The following SAMD13 variants were observed in gnomAD, a reference collection of about 807,000 sequenced individuals.
SAMD13 encodes the protein sterile alpha motif domain containing 13.
Under a neutral mutation model 12.4 loss-of-function variants are expected in SAMD13, and 9 were observed. That is an observed-to-expected ratio of 0.72 (90% CI 0.44 to 1.26). The LOEUF is 1.26. SAMD13 is among the 50% of genes most tolerant of loss of function. The pLI, the probability that SAMD13 is intolerant of heterozygous loss-of-function variation, is 0.00. For synonymous variants in SAMD13, 46 were observed against 45.4 expected, an observed-to-expected ratio of 1.01 and a Z score of -0.05; for missense variants, 84 against 119.6, an observed-to-expected ratio of 0.70 and a Z score of 1.39.
intron 3 of SAMD13, chr1:84,344,705 G>A (rs1679497692): frequency 5.6e-6 from 2 of 359,288 alleles, no homozygotes; most frequent in Non-Finnish European, 1.1e-5. Context: ...AGTACTAGGT[G>A]TGCCTCAAAA....
intron 2 of SAMD13, chr1:84,304,117 T>C (rs996521781): frequency 1.3e-5 from 2 of 152,186 alleles, no homozygotes; most frequent in Non-Finnish European, 2.9e-5. Context: ...GATATCTAAA[T>C]GAGGAAACAG....
chr1:84,315,908 T>G (rs1486935858), intron 2 of SAMD13, among the ~76,000 whole-genome samples: 1 of 152,208 alleles, frequency 6.6e-6, no homozygotes, highest in African/African-American at 2.4e-5. Context: ...AATAGTATCC[T>G]AAGAGGTATG....
intron 3 of SAMD13, among the ~76,000 whole-genome samples, chr1:84,331,857 A>C (rs1310919938): frequency 1.3e-5 from 2 of 152,064 alleles, no homozygotes; most frequent in African/African-American, 4.8e-5. Context: ...CATAGTATCC[A>C]ATAGGCAGTT....
chr1:84,299,502 A>G, upstream of SAMD13: 1 of 798,176 alleles, frequency 1.3e-6, no homozygotes, highest in Non-Finnish European at 1.7e-6. Flanking sequence ...ACATACACAC[A>G]CACCCCCACA....
At chr1:84,300,790 A>G (rs145740675), upstream of SAMD13, among the ~76,000 whole-genome samples, 592 of 152,330 alleles carry the variant, frequency 3.9e-3, 3 homozygotes, top group African/African-American at 0.014. Flanking sequence ...GATCTTGCCC[A>G]GCCTCTCTGC....
At chr1:84,334,564 A>G (rs1206777284) in intron 3 of SAMD13, among the ~76,000 whole-genome samples, 1 of 151,910 alleles carries the variant, frequency 6.6e-6, no homozygotes, top group Non-Finnish European at 1.5e-5. Context: ...CATTCGGTTC[A>G]GCTCAGATTT....
intron 3 of SAMD13, among the ~76,000 whole-genome samples, chr1:84,347,698 G>A (rs778828703): frequency 1.3e-5 from 2 of 152,164 alleles, no homozygotes; most frequent in Non-Finnish European, 2.9e-5. Context: ...AAGACACAGC[G>A]TGAGCTTTAA....
At chr1:84,300,232 C>G (rs1353246219), upstream of SAMD13, among the ~76,000 whole-genome samples, 1 of 152,202 alleles carries the variant, frequency 6.6e-6, no homozygotes, top group Non-Finnish European at 1.5e-5. Flanking sequence ...GATCCACATG[C>G]CTGACCCATG....
At chr1:84,307,078 G>A (rs867045568) in intron 2 of SAMD13, among the ~76,000 whole-genome samples, 14 of 151,956 alleles carry the variant, frequency 9.2e-5, no homozygotes. Context: ...ATCTGTGCCT[G>A]GGCCTAGTTT....
intron 1 of SAMD13, chr1:84,302,033 A>G (rs570329950): frequency 5.3e-5 from 8 of 152,322 alleles, no homozygotes; most frequent in African/African-American, 1.9e-4. Context: ...ATGTATGCTA[A>G]TATCTATATA....
chr1:84,308,251 T>C (rs954561763), intron 2 of SAMD13, among the ~76,000 whole-genome samples: 1 of 152,228 alleles, frequency 6.6e-6, no homozygotes, highest in African/African-American at 2.4e-5. Context: ...ATTTAATTTA[T>C]ATAGCCACAG....
At chr1:84,313,323 G>A (rs1458910513) in intron 2 of SAMD13, among the ~76,000 whole-genome samples, 2 of 152,010 alleles carry the variant, frequency 1.3e-5, no homozygotes, top group Non-Finnish European at 2.9e-5. Flanking sequence ...CACAGATTTG[G>A]GATGAATTAT....
intron 2 of SAMD13, among the ~76,000 whole-genome samples, chr1:84,310,580 TA>T (rs1256438794): frequency 6.6e-6 from 1 of 152,222 alleles, no homozygotes; most frequent in Non-Finnish European, 1.5e-5. Context: ...CATACCCAAA[TA>T]ATTCCAAACA....
chr1:84,318,686 C>T (rs965559040), intron 2 of SAMD13, among the ~76,000 whole-genome samples: 15 of 152,128 alleles, frequency 9.9e-5, no homozygotes, highest in East Asian at 5.8e-4. Context: ...TGATAATATA[C>T]GGGAATTAAT....
intron 2 of SAMD13, among the ~76,000 whole-genome samples, chr1:84,322,741 T>C (rs1351772344): frequency 6.6e-6 from 1 of 152,134 alleles, no homozygotes; most frequent in Non-Finnish European, 1.5e-5. Context: ...TGAATTCCCT[T>C]ACCCTCCATA....
In SAMD13 at chr1:84,349,840, A is replaced by G; in HGVS notation, c.*66A>G. ...TGACATAATTTAGTTTCATGTAATG[A>G]AACTTTGTAAACAGAATACATACAT... On this transcript the variant is annotated 3_prime_UTR_variant, in exon 4 of 4. Transcript: ENST00000394834. 1 of 1,555,228 alleles carries G rather than the reference A, an allele frequency of 6.4e-7. No individual in the cohort carries two copies. Among genetic ancestry groups the G allele is most frequent in the African/African-American group, 1.4e-5 (1 of 72,760 alleles).
At chr1:84,307,472 ACTCT>A (rs1258979234) in intron 2 of SAMD13, among the ~76,000 whole-genome samples, 1 of 151,346 alleles carries the variant, frequency 6.6e-6, no homozygotes, top group African/African-American at 2.4e-5. Context: ...GGCCTTAATA[ACTCT>A]CTCAATCTCC....
upstream of SAMD13, chr1:84,299,655 G>GTA: frequency 4.5e-6 from 4 of 891,318 alleles, no homozygotes; most frequent in Middle Eastern, 2.4e-4. Context: ...GTGAGTACTA[G>GTA]TGTATATATA....
chr1:84,317,442 C>CT (rs750479320), intron 2 of SAMD13, among the ~76,000 whole-genome samples: 11 of 151,808 alleles, frequency 7.2e-5, no homozygotes, highest in Non-Finnish European at 1.6e-4. Flanking sequence ...TTATCAAACA[C>CT]TTTTTTTATC....
Sources: allele counts gnomAD v4.1 joint callset (sites outside exome capture counted in the v4.1 genomes callset), GRCh38; gene constraint gnomAD v4.1.1; transcripts MANE v1.5; gene names NCBI Gene and HGNC (gene_info 2026-07-23, HGNC 2026-07-21).